PPP2R3A: variants seen among roughly 807,000 people sequenced by gnomAD.
The protein encoded by PPP2R3A is serine/threonine-protein phosphatase 2A regulatory subunit B'' subunit alpha.
A neutral mutation model predicts 106.9 loss-of-function variants in PPP2R3A; 80 were observed. The ratio of observed to expected loss-of-function variants is 0.75; its 90% CI spans 0.62 to 0.90. PPP2R3A has a LOEUF of 0.90. PPP2R3A is among the 40% of genes least tolerant of loss of function. The probability of loss-of-function intolerance (pLI) is 0.00; values close to 1 mark genes in which losing one functional copy is unlikely to be tolerated. For missense variants in PPP2R3A, 1,386 were observed against 1,350.4 expected (o/e 1.03, Z -0.41); for synonymous variants, 483 against 468.3 (o/e 1.03, Z -0.41).
chr3:136,122,130 A>G (rs1225957102), intron 13 of PPP2R3A, among the ~76,000 whole-genome samples: 3 of 152,198 alleles, frequency 2.0e-5, no homozygotes, highest in African/African-American at 2.4e-5. Context: ...ACTGAAATAA[A>G]TGAATTAGGC....
chr3:136,079,395 TA>T (rs1936708592), intron 7 of PPP2R3A: 2 of 190,760 alleles, frequency 1.0e-5, no homozygotes, highest in African/African-American at 4.7e-5. Context: ...GAATCATTTT[TA>T]TAATCCATAA....
intron 5 of PPP2R3A, among the ~76,000 whole-genome samples, chr3:136,049,596 C>T (rs1200497049): frequency 2.0e-5 from 3 of 151,942 alleles, no homozygotes; most frequent in African/African-American, 7.3e-5. Flanking sequence ...AAGAGCTACT[C>T]CTTCAGGGCT....
chr3:136,085,257 C>T (rs1936895031), intron 8 of PPP2R3A, among the ~76,000 whole-genome samples: 2 of 152,122 alleles, frequency 1.3e-5, no homozygotes, highest in African/African-American at 2.4e-5. Context: ...GAGTAAGTCT[C>T]ATGAGAGCTC....
At chr3:136,033,945 T>C (rs532808473) in intron 3 of PPP2R3A, among the ~76,000 whole-genome samples, 1 of 152,108 alleles carries the variant, frequency 6.6e-6, no homozygotes, top group Admixed American at 6.5e-5. Context: ...TGGGTTTGGG[T>C]TTGGTTTGTT....
At position 136,001,924 on chromosome 3, in the gene PPP2R3A, G is replaced by C; in HGVS notation, c.426G>C (p.Lys142Asn). 1.2e-6 allele frequency: 2 copies of C among 1,614,138 alleles called. No individual in the cohort carries two copies. The highest frequency in any genetic ancestry group is 8.5e-7 in the Non-Finnish European group (1 of 1,180,022). ...ACTCTAACCATGCAGCTTACAGAAA[G>C]GGAAGGAAAGTTAAGTCTGACTCAT... ...LKNSNHAAYR[K>N]GRKVKSDSFN... Residue 142 changes from lysine to asparagine, a missense_variant, in exon 2 of 14, where the codon AAG becomes AAC. Coordinates refer to ENST00000264977, the MANE Select transcript of PPP2R3A (RefSeq NM_002718.5).
At chr3:136,110,885 C>A (rs779478686) in intron 13 of PPP2R3A, among the ~76,000 whole-genome samples, 9 of 152,076 alleles carry the variant, frequency 5.9e-5, no homozygotes, top group Non-Finnish European at 1.2e-4. Context: ...TAGGAAAGGT[C>A]TGAAGATCTA....
At chr3:136,077,132 T>G (rs538257376) in intron 6 of PPP2R3A, among the ~76,000 whole-genome samples, 1 of 152,240 alleles carries the variant, frequency 6.6e-6, no homozygotes, top group South Asian at 2.1e-4. Context: ...AGTCAGTCCC[T>G]GTCCTGGGGC....
chr3:136,111,380 C>T (rs573687256), intron 13 of PPP2R3A, among the ~76,000 whole-genome samples: 3 of 152,078 alleles, frequency 2.0e-5, no homozygotes, highest in African/African-American at 7.2e-5. Context: ...AAATGGAAAA[C>T]TTTCATATCA....
At chr3:136,040,153 G>A (rs537346857) in intron 3 of PPP2R3A, among the ~76,000 whole-genome samples, 14 of 152,264 alleles carry the variant, frequency 9.2e-5, no homozygotes, top group African/African-American at 3.1e-4. Flanking sequence ...ATATTAACAC[G>A]AAGTTATTTT....
intron 1 of PPP2R3A, among the ~76,000 whole-genome samples, chr3:135,993,331 AG>A (rs1933253741): frequency 6.6e-6 from 1 of 152,208 alleles, no homozygotes; most frequent in South Asian, 2.1e-4. Context: ...ATTAGTCAGC[AG>A]GGAAATGCAA....
intron 7 of PPP2R3A, among the ~76,000 whole-genome samples, chr3:136,080,598 A>G (rs1245766238): frequency 2.0e-5 from 3 of 152,252 alleles, no homozygotes; most frequent in East Asian, 3.8e-4. Flanking sequence ...AGGACATTTT[A>G]TAAAACAAAG....
At chr3:136,006,030 C>A (rs1275178046) in intron 2 of PPP2R3A, among the ~76,000 whole-genome samples, 1 of 152,222 alleles carries the variant, frequency 6.6e-6, no homozygotes, top group East Asian at 1.9e-4. Flanking sequence ...ATCACCTGTC[C>A]TGTGTTCCTG....
At chr3:136,090,407 C>G (rs577156009) in intron 9 of PPP2R3A, among the ~76,000 whole-genome samples, 171 bp from the exon 10 acceptor site, 3 of 152,334 alleles carry the variant, frequency 2.0e-5, no homozygotes, top group African/African-American at 7.2e-5. Context: ...GTTTCACCCT[C>G]TAGACCTTTG....
chr3:136,103,385 A>G lies in PPP2R3A; in HGVS notation c.3222+9A>G. ...CCTTTGCGGTCCAGAAGGTAACAGT[A>G]TAATTTTAACTTTTATTTGAGGGCT... On this transcript the variant is annotated intron_variant, in intron 12 of 13. Transcript: ENST00000264977. 1 of 1,556,608 alleles carries G rather than the reference A, an allele frequency of 6.4e-7. No individual in the cohort carries two copies. Among genetic ancestry groups the G allele is most frequent in the African/African-American group, 1.4e-5 (1 of 73,454 alleles).
chr3:135,989,656 T>C (rs564617080), intron 1 of PPP2R3A, among the ~76,000 whole-genome samples: 1 of 152,288 alleles, frequency 6.6e-6, no homozygotes, highest in Non-Finnish European at 1.5e-5. Context: ...CTGCCACAGC[T>C]GAAGTCAGTT....
chr3:136,053,370 G>T (rs1559891294), intron 5 of PPP2R3A, among the ~76,000 whole-genome samples: 2 of 150,572 alleles, frequency 1.3e-5, no homozygotes. Flanking sequence ...CAAAAAAAAA[G>T]AAAAAAAAAT....
intron 13 of PPP2R3A, among the ~76,000 whole-genome samples, chr3:136,124,699 A>G (rs1252492577): frequency 6.6e-6 from 1 of 152,072 alleles, no homozygotes; most frequent in East Asian, 1.9e-4. Flanking sequence ...TAAAATTATA[A>G]TTAATTAAAC....
intron 2 of PPP2R3A, among the ~76,000 whole-genome samples, chr3:136,012,443 GAC>G (rs1427771882): frequency 1.3e-5 from 2 of 152,160 alleles, no homozygotes; most frequent in Non-Finnish European, 1.5e-5. Flanking sequence ...ATTGGAGCAA[GAC>G]ACAAAAATGC....
intron 1 of PPP2R3A, among the ~76,000 whole-genome samples, chr3:135,984,558 T>G (rs747298678): frequency 5.3e-4 from 80 of 152,064 alleles, no homozygotes; most frequent in Non-Finnish European, 9.9e-4. Flanking sequence ...GGGGGCAGTT[T>G]CCCCCATGCC....
Sources: gnomAD v4.1 joint callset for allele counts (sites outside exome capture counted in the v4.1 genomes callset) on GRCh38, gnomAD v4.1.1 for gene constraint, MANE v1.5 for transcripts, NCBI Gene and HGNC (gene_info 2026-07-23, HGNC 2026-07-21) for gene names.